GAB2: variants seen among roughly 807,000 people sequenced by gnomAD.
GAB2 encodes the protein GRB2-associated-binding protein 2.
Under a neutral mutation model 65.5 loss-of-function variants are expected in GAB2, and 26 were observed. The observed-to-expected ratio is 0.40, with a 90% CI of 0.29 to 0.55. The LOEUF (loss-of-function observed/expected upper bound fraction) is 0.55, where lower values mean the gene tolerates loss of function less well. GAB2 is among the 20% of genes least tolerant of loss of function. The pLI is 0.53. For missense variants in GAB2, 884 were observed against 875.8 expected (o/e 1.01, Z -0.12); for synonymous variants, 321 against 329.6 (o/e 0.97, Z 0.28).
At chr11:78,322,334 A>T (rs1005529912) in intron 1 of GAB2, among the ~76,000 whole-genome samples, 3 of 143,730 alleles carry the variant, frequency 2.1e-5, no homozygotes, top group Non-Finnish European at 4.6e-5. Flanking sequence ...AAAAAGTAAG[A>T]TCTCAAACTA....
At chr11:78,297,685 G>A (rs4944196) in intron 1 of GAB2, among the ~76,000 whole-genome samples, 23,835 of 152,070 alleles carry the variant, frequency 0.16, 2,425 homozygotes, top group East Asian at 0.4. Flanking sequence ...AAAGGCAGGG[G>A]TAGATTGAAG....
intron 1 of GAB2, among the ~76,000 whole-genome samples, chr11:78,312,090 A>C (rs1385042250): frequency 1.3e-5 from 2 of 152,092 alleles, no homozygotes; most frequent in Admixed American, 6.5e-5. Context: ...GTCACAGGGC[A>C]GCACATTACA....
chr11:78,366,342 G>A (rs1856496676), intron 1 of GAB2, among the ~76,000 whole-genome samples: 1 of 152,110 alleles, frequency 6.6e-6, no homozygotes, highest in African/African-American at 2.4e-5. Context: ...CACTTTGGGA[G>A]GCCGAGGCAG....
At chr11:78,258,663 T>C (rs896405723) in intron 2 of GAB2, among the ~76,000 whole-genome samples, 2 of 151,780 alleles carry the variant, frequency 1.3e-5, no homozygotes, top group African/African-American at 2.4e-5. Flanking sequence ...AGTGGCACAA[T>C]TATGGCTCAT....
chr11:78,320,412 C>A (rs1215479107), intron 1 of GAB2, among the ~76,000 whole-genome samples: 1 of 151,990 alleles, frequency 6.6e-6, no homozygotes, highest in African/African-American at 2.4e-5. Context: ...GAATTAATAG[C>A]AAGGAAGAGG....
intron 2 of GAB2, among the ~76,000 whole-genome samples, chr11:78,274,002 G>GTT (rs57942137): frequency 3.4e-5 from 5 of 148,062 alleles, no homozygotes; most frequent in Admixed American, 6.7e-5. Flanking sequence ...TATTAAACCT[G>GTT]TTTTTTTTTT....
At chr11:78,234,582 A>G (rs183579277) in intron 3 of GAB2, among the ~76,000 whole-genome samples, 5 of 147,944 alleles carry the variant, frequency 3.4e-5, no homozygotes, top group Admixed American at 2.7e-4. Context: ...ATAATTATAT[A>G]TATTTATATA....
intron 1 of GAB2, among the ~76,000 whole-genome samples, chr11:78,389,382 C>T (rs1474649135): frequency 6.6e-6 from 1 of 151,646 alleles, no homozygotes; most frequent in African/African-American, 2.4e-5. Context: ...TCTCGGCTCA[C>T]TGCAACCTCC....
At position 78,217,693 on chromosome 11, in the gene GAB2, G is replaced by A. The variant is rs1478687919; in HGVS notation, c.*1579C>T. The A allele has an allele frequency of 6.6e-6, 1 of 152,208 alleles. No individual in the cohort carries two copies. The highest frequency in any genetic ancestry group is 1.5e-5 in the Non-Finnish European group (1 of 68,090). 9.4% of individuals were successfully genotyped at this position (152,208 alleles called of 1,614,324 possible). ...CTTAGTTTAAGAGAAGGAACCTTGG[G>A]TGATGCCCTACACCCCGTCCCTGCT... On this transcript the variant is annotated 3_prime_UTR_variant, in exon 10 of 10. Transcript: ENST00000361507.
intron 3 of GAB2, among the ~76,000 whole-genome samples, chr11:78,237,679 A>T (rs1158807748): frequency 6.6e-6 from 1 of 152,160 alleles, no homozygotes; most frequent in Non-Finnish European, 1.5e-5. Flanking sequence ...AATCATCTTA[A>T]CTGAGCAGAG....
rs199705805 is a variant in GAB2 at position 78,346,574 on chromosome 11, T to TGAGAA, written c.76-65678_76-65674dup. Among the ~76,000 whole-genome samples the TGAGAA allele has an allele frequency of 5.7e-4, 68 of 118,676 alleles. 1 individual carries two copies. The South Asian group carries it at 9.5e-3, about 17-fold the overall frequency. The allele number at this position is 118,676 out of a possible 152,430, so 77.9% of individuals were successfully genotyped here. A position where few individuals can be genotyped will look rare whatever the true frequency, so the allele number is the denominator to read the frequency against. On this transcript the variant is annotated intron_variant, in intron 1 of 9. Transcript: ENST00000361507. ...TTCTTCCCACCTACATCATGCTGCC[T>TGAGAA]GAGAAGAGAAGAGAAGAGAAGAGAA...
intron 9 of GAB2, among the ~76,000 whole-genome samples, chr11:78,219,946 C>T (rs558225926): frequency 2.6e-5 from 4 of 152,130 alleles, no homozygotes; most frequent in Non-Finnish European, 5.9e-5. Flanking sequence ...GATGTATCGA[C>T]GGCAGGGCTC....
intron 1 of GAB2, among the ~76,000 whole-genome samples, chr11:78,387,658 CAG>C: frequency 6.6e-6 from 1 of 152,298 alleles, no homozygotes; most frequent in East Asian, 1.9e-4. Context: ...AAATAAATGA[CAG>C]AAGGGAATCA....
At chr11:78,219,508 G>A in intron 9 of GAB2, 93 bp from the exon 10 acceptor site, 1 of 1,156,680 alleles carries the variant, frequency 8.6e-7, no homozygotes, top group South Asian at 1.4e-5. Flanking sequence ...TGAGCTGTCT[G>A]AAGGGGAGAA....
intron 1 of GAB2, among the ~76,000 whole-genome samples, chr11:78,370,409 T>C (rs951063886): frequency 1.6e-4 from 24 of 152,082 alleles, no homozygotes; most frequent in Non-Finnish European, 2.8e-4. Context: ...AAGTGAAAAA[T>C]AACAAGGTAT....
chr11:78,367,528 C>T (rs899118427), intron 1 of GAB2, among the ~76,000 whole-genome samples: 3 of 152,212 alleles, frequency 2.0e-5, no homozygotes, highest in Admixed American at 2.0e-4. Flanking sequence ...TGTAAGAGAT[C>T]TCAGCTTTTA....
At chr11:78,345,972 C>T (rs755377294) in intron 1 of GAB2, among the ~76,000 whole-genome samples, 9 of 152,116 alleles carry the variant, frequency 5.9e-5, no homozygotes, top group Non-Finnish European at 1.2e-4. Context: ...TGATCCTCTC[C>T]GTATTAGACA....
intron 2 of GAB2, among the ~76,000 whole-genome samples, chr11:78,255,261 G>T (rs1865565760): frequency 6.6e-6 from 1 of 152,108 alleles, no homozygotes; most frequent in Non-Finnish European, 1.5e-5. Context: ...TCTCCTTAGA[G>T]CACCCAGAAG....
rs562662043 is a variant in GAB2, at chr11:78,239,459, T to C, written c.620+10698A>G. 1.2e-3 allele frequency among the ~76,000 whole-genome samples: 179 copies of C among 152,276 alleles called. 1 individual carries two copies. Among genetic ancestry groups the C allele is most frequent in the African/African-American group, 4.1e-3 (169 of 41,556 alleles). ...TGGTCTTGAACTCCTGACCTCGTGA[T>C]CCACCTGCCTCGGCCTCCCAAATTA... On this transcript the variant is annotated intron_variant, in intron 3 of 9. Transcript: ENST00000361507.
Sources: allele counts gnomAD v4.1 joint callset (sites outside exome capture counted in the v4.1 genomes callset), GRCh38; gene constraint gnomAD v4.1.1; transcripts MANE v1.5; gene names NCBI Gene and HGNC (gene_info 2026-07-23, HGNC 2026-07-21).